Variants in PLEKHB2 observed in about 807,000 individuals in gnomAD.
The protein encoded by PLEKHB2 is pleckstrin homology domain containing B2.
PLEKHB2 carries 31 observed loss-of-function variants against 36.5 expected under a neutral mutation model. The ratio of observed to expected loss-of-function variants is 0.85; its 90% CI spans 0.64 to 1.15. The LOEUF is 1.15. Among genes scored for constraint, PLEKHB2 ranks in the 50% most tolerant of loss-of-function variants. The pLI is 0.00. For synonymous variants in PLEKHB2, 119 were observed against 112.0 expected, an observed-to-expected ratio of 1.06 and a Z score of -0.39; for missense variants, 262 against 295.3, an observed-to-expected ratio of 0.89 and a Z score of 0.83.
At chr2:131,130,954 T>C (rs79415546) in intron 5 of PLEKHB2, among the ~76,000 whole-genome samples, 194 bp downstream of exon 5, 3 of 152,094 alleles carry the variant, frequency 2.0e-5, no homozygotes, top group African/African-American at 7.2e-5. Flanking sequence ...CCCAGCTTAT[T>C]TGAAAAAATT....
chr2:131,105,929 C>T (rs1694674885), intron 1 of PLEKHB2, among the ~76,000 whole-genome samples: 1 of 152,210 alleles, frequency 6.6e-6, no homozygotes, highest in Admixed American at 6.5e-5. Context: ...GTTCTCCTGC[C>T]CAGAGGTCTC....
At chr2:131,105,773 A>T (rs1694649986) in intron 1 of PLEKHB2, among the ~76,000 whole-genome samples, 1 of 151,776 alleles carries the variant, frequency 6.6e-6, no homozygotes, top group African/African-American at 2.4e-5. Context: ...TCCCGACTGC[A>T]GCCTCCGCCT....
rs1341199426 is a variant in PLEKHB2 at position 131,147,943 on chromosome 2, T to C, written c.*1170T>C. ...ATTTTTCTACTTGCTGAGAGAGTAATATTAAAGGAACAGTGAGGGAGTGGA... is the reference window on the plus strand; with the variant it reads ...ATTTTTCTACTTGCTGAGAGAGTAACATTAAAGGAACAGTGAGGGAGTGGA... On this transcript the variant is annotated 3_prime_UTR_variant, in exon 8 of 8. Transcript: ENST00000693505. 6.6e-6 allele frequency: 1 copy of C among 152,270 alleles called. No individual in the cohort carries two copies. The highest frequency in any genetic ancestry group is 2.4e-5 in the African/African-American group (1 of 41,418). The allele number at this position is 152,270 out of a possible 1,614,324, so 9.4% of individuals were successfully genotyped here.
chr2:131,113,408 G>A (rs1695530927), intron 1 of PLEKHB2, among the ~76,000 whole-genome samples: 1 of 152,210 alleles, frequency 6.6e-6, no homozygotes, highest in South Asian at 2.1e-4. Context: ...GGTATGTGGG[G>A]AGAAACCCTC....
At chr2:131,137,146 A>C (rs1698345501) in intron 6 of PLEKHB2, among the ~76,000 whole-genome samples, 1 of 151,786 alleles carries the variant, frequency 6.6e-6, no homozygotes, top group African/African-American at 2.4e-5. Flanking sequence ...ACGGGGTTTC[A>C]CTGTGTTAGC....
intron 6 of PLEKHB2, among the ~76,000 whole-genome samples, chr2:131,139,124 T>G (rs1378704477): frequency 6.6e-6 from 1 of 152,200 alleles, no homozygotes; most frequent in African/African-American, 2.4e-5. Flanking sequence ...CCTTCTTAGA[T>G]TCTTTGTTAA....
chr2:131,105,363 C>A lies in PLEKHB2; in HGVS notation c.-44C>A, dbSNP rs1336062858. On this transcript the variant is annotated 5_prime_UTR_variant, in exon 1 of 8. Coordinates refer to ENST00000693505, the MANE Select transcript of PLEKHB2 (RefSeq NM_001100623.2). ...TTGCAGGCGAGCAGGCGAGGAATCG[C>A]CGTGGCGTCTTGGTGTTCTCCACGC... The A allele has an allele frequency of 6.6e-6, 1 of 152,218 alleles. No homozygotes were observed. Among genetic ancestry groups the A allele is most frequent in the Non-Finnish European group, 1.5e-5 (1 of 68,072 alleles). The allele number at this position is 152,218 out of a possible 1,614,324, so 9.4% of individuals were successfully genotyped here.
chr2:131,149,578 A>G lies in PLEKHB2; in HGVS notation c.*2805A>G, dbSNP rs953758132. On this transcript the variant is annotated 3_prime_UTR_variant, in exon 8 of 8. Transcript: ENST00000693505. ...ACTTAAGGTAGCCATCTGGATCATA[A>G]GAAGGTCCTGCAGTTGAGACAAAAT... 6 of 152,234 alleles carry G rather than the reference A, an allele frequency of 3.9e-5. No individual in the cohort carries two copies. The highest frequency in any genetic ancestry group is 1.4e-4 in the African/African-American group (6 of 41,460). 9.4% of individuals were successfully genotyped at this position (152,234 alleles called of 1,614,324 possible). A position where few individuals can be genotyped will look rare whatever the true frequency, so the allele number is the denominator to read the frequency against.
chr2:131,134,860 T>C (rs930743528), intron 6 of PLEKHB2, among the ~76,000 whole-genome samples: 1 of 152,248 alleles, frequency 6.6e-6, no homozygotes, highest in Middle Eastern at 3.2e-3. Context: ...AAACATGGAC[T>C]GCATGTGTAT....
At chr2:131,146,498 G>T in intron 7 of PLEKHB2, 139 bp from the exon 8 acceptor site, 3 of 768,844 alleles carry the variant, frequency 3.9e-6, no homozygotes, top group Non-Finnish European at 6.1e-6. Flanking sequence ...CACATGATGT[G>T]CCTGTTGTGG....
intron 2 of PLEKHB2, 118 bp from the exon 3 acceptor site, chr2:131,125,635 T>G: frequency 1.3e-6 from 1 of 768,304 alleles, no homozygotes; most frequent in East Asian, 2.8e-5. Context: ...AGCCCAGGAG[T>G]TCAAGGCTGC....
chr2:131,143,161 T>C (rs924883607), intron 7 of PLEKHB2, among the ~76,000 whole-genome samples: 32 of 152,182 alleles, frequency 2.1e-4, no homozygotes, highest in African/African-American at 7.7e-4. Flanking sequence ...TATGCTAAGC[T>C]ATGATGTTCG....
intron 1 of PLEKHB2, 45 bp from the exon 2 acceptor site, chr2:131,120,889 C>G: frequency 6.3e-7 from 1 of 1,593,910 alleles, no homozygotes; most frequent in East Asian, 2.2e-5. Flanking sequence ...ACAGGCTATT[C>G]TCTTTCTGGG....
intron 1 of PLEKHB2, among the ~76,000 whole-genome samples, chr2:131,110,542 ACTT>A (rs1162295113): frequency 6.6e-6 from 1 of 152,060 alleles, no homozygotes; most frequent in East Asian, 1.9e-4. Context: ...TGTGCAGCTA[ACTT>A]CTTATTTTTT....
intron 1 of PLEKHB2, among the ~76,000 whole-genome samples, chr2:131,117,309 T>C (rs1279287196): frequency 1.3e-4 from 20 of 151,624 alleles, no homozygotes; most frequent in Admixed American, 1.0e-3. Context: ...CGCCCGTAAT[T>C]CTAGCTACTT....
chr2:131,105,753 C>T (rs1694646367), intron 1 of PLEKHB2, among the ~76,000 whole-genome samples: 1 of 152,094 alleles, frequency 6.6e-6, no homozygotes, highest in African/African-American at 2.4e-5. Flanking sequence ...CCCCGCGGAC[C>T]CTCCTCCTTT....
intron 7 of PLEKHB2, among the ~76,000 whole-genome samples, chr2:131,145,604 G>GTTTTTTTT (rs1699204167): frequency 2.0e-5 from 3 of 152,104 alleles, no homozygotes; most frequent in African/African-American, 7.2e-5. Context: ...CAAAGTGCTG[G>GTTTTTTTT]CATTACAGGT....
chr2:131,123,077 G>A (rs1381897526), intron 2 of PLEKHB2, among the ~76,000 whole-genome samples: 3 of 152,116 alleles, frequency 2.0e-5, no homozygotes, highest in African/African-American at 4.8e-5. Context: ...TCCCCATCAC[G>A]CCTAGCATGG....
intron 2 of PLEKHB2, among the ~76,000 whole-genome samples, chr2:131,122,285 A>G (rs965339062): frequency 6.6e-6 from 1 of 152,228 alleles, no homozygotes; most frequent in Non-Finnish European, 1.5e-5. Flanking sequence ...ATTCTGCTAT[A>G]CTAGAAAGAG....
Sources: gnomAD v4.1 joint callset for allele counts (sites outside exome capture counted in the v4.1 genomes callset) on GRCh38, gnomAD v4.1.1 for gene constraint, MANE v1.5 for transcripts, NCBI Gene and HGNC (gene_info 2026-07-23, HGNC 2026-07-21) for gene names.